PPA2: variants seen among roughly 807,000 people sequenced by gnomAD.
PPA2 encodes inorganic pyrophosphatase 2, also known as inorganic pyrophosphatase 2, mitochondrial.
A neutral mutation model predicts 49.5 loss-of-function variants in PPA2; 48 were observed. The ratio of observed to expected loss-of-function variants is 0.97; its 90% CI spans 0.77 to 1.23. The LOEUF (loss-of-function observed/expected upper bound fraction) is 1.23. PPA2 is among the 50% of genes most tolerant of loss of function. The pLI is 0.00. For synonymous variants in PPA2, 131 were observed against 139.9 expected, an observed-to-expected ratio of 0.94 and a Z score of 0.45; for missense variants, 429 against 410.1, an observed-to-expected ratio of 1.05 and a Z score of -0.40.
Position 105,390,886 on chromosome 4 carries a change from G to A in PPA2, c.870-4250C>T, listed in dbSNP as rs147640945. Among the ~76,000 whole-genome samples the A allele has an allele frequency of 7.2e-3, 1,103 of 152,222 alleles. 14 individuals carry two copies. The highest frequency in any genetic ancestry group is 0.025 in the African/African-American group (1,022 of 41,530). ...TTCTACTATTAAGACTCATGCACAC[G>A]TATGTTTATTGCAGCACTATTCACA... On this transcript the variant is annotated intron_variant, in intron 9 of 11. Coordinates refer to ENST00000341695, the MANE Select transcript of PPA2 (RefSeq NM_176869.3).
Position 105,449,089 on chromosome 4 carries a change from C to T in PPA2, c.321+261G>A, listed in dbSNP as rs1578872879. Among the ~76,000 whole-genome samples, 6 of 138,208 alleles carry T rather than the reference C, an allele frequency of 4.3e-5. No individual in the cohort carries two copies. The South Asian group carries it at 1.3e-3, about 30-fold the overall frequency. 90.7% of individuals were successfully genotyped at this position (138,208 alleles called of 152,430 possible). A position where few individuals can be genotyped will look rare whatever the true frequency, so the allele number is the denominator to read the frequency against. The stretch of plus-strand genomic sequence containing the variant: ...AAAAATAGCCGGGCGTAGTGGCGGG[C>T]GCCTGTAGTCCTAGCTACTTGGGAG... On this transcript the variant is annotated intron_variant, in intron 4 of 11. Transcript: ENST00000341695.
intron 4 of PPA2, among the ~76,000 whole-genome samples, chr4:105,446,726 A>G (rs1291739037): frequency 6.6e-6 from 1 of 152,140 alleles, no homozygotes; most frequent in Non-Finnish European, 1.5e-5. Context: ...ATATTTAGTC[A>G]CTCTATTATT....
chr4:105,426,055 T>G (rs1723491734), intron 6 of PPA2, among the ~76,000 whole-genome samples: 1 of 152,144 alleles, frequency 6.6e-6, no homozygotes, highest in African/African-American at 2.4e-5. Context: ...ATGATGGAAA[T>G]GCTTCATATT....
intron 5 of PPA2, among the ~76,000 whole-genome samples, 187 bp from the exon 6 acceptor site, chr4:105,438,223 T>C (rs1724159023): frequency 1.3e-5 from 2 of 152,244 alleles, no homozygotes; most frequent in South Asian, 4.1e-4. Flanking sequence ...AACAGATTTA[T>C]AGTATTTCCT....
At chr4:105,415,080 T>C (rs941691487) in intron 7 of PPA2, among the ~76,000 whole-genome samples, 10 of 152,160 alleles carry the variant, frequency 6.6e-5, no homozygotes, top group Admixed American at 2.0e-4. Context: ...AGGAAGTGTG[T>C]GCTGATTGGC....
intron 7 of PPA2, among the ~76,000 whole-genome samples, chr4:105,403,903 CTT>C (rs542664794): frequency 1.5e-4 from 21 of 144,164 alleles, no homozygotes; most frequent in Non-Finnish European, 1.2e-4. Context: ...TCTTTCTACT[CTT>C]TTTTTTTTTT....
In PPA2 at chr4:105,474,003, C is replaced by G. The variant is rs770985368; in HGVS notation, c.48G>C (p.Ala16=). The G allele has an allele frequency of 6.2e-7, 1 of 1,605,842 alleles. No homozygotes were observed. The highest frequency in any genetic ancestry group is 8.5e-7 in the Non-Finnish European group (1 of 1,176,630). Residue 16 remains alanine (A), a synonymous_variant, in exon 1 of 12, where the codon GCG becomes GCC. Coordinates refer to ENST00000341695, the MANE Select transcript of PPA2 (RefSeq NM_176869.3). ...RLLRTGAPAA[A]CLRLGTSAGT... is the part of the protein sequence containing the mutation. ...CTGCACTGGTCCCCAACCGCAGGCA[C>G]GCAGCGGCTGGGGCACCCGTGCGCA... is the stretch of plus-strand genomic sequence containing the variant.
chr4:105,450,093 T>C (rs867663875), intron 3 of PPA2, among the ~76,000 whole-genome samples: 22 of 152,094 alleles, frequency 1.4e-4, no homozygotes, highest in Non-Finnish European at 2.1e-4. Flanking sequence ...AAGGAGACCC[T>C]AGGTCAATGA....
At chr4:105,466,244 GT>G (rs1578890970) in intron 1 of PPA2, among the ~76,000 whole-genome samples, 1 of 151,848 alleles carries the variant, frequency 6.6e-6, no homozygotes, top group East Asian at 1.9e-4. Context: ...CAAGTTTCTT[GT>G]TTTTCCCATT....
chr4:105,425,441 T>C (rs1255978618), intron 6 of PPA2, among the ~76,000 whole-genome samples: 2 of 152,096 alleles, frequency 1.3e-5, no homozygotes, highest in Non-Finnish European at 2.9e-5. Flanking sequence ...ATTCTCTCAA[T>C]GAGCTTAACA....
chr4:105,464,531 T>G (rs542478497), intron 1 of PPA2, among the ~76,000 whole-genome samples: 1 of 152,006 alleles, frequency 6.6e-6, no homozygotes, highest in Non-Finnish European at 1.5e-5. Flanking sequence ...GACATGAGAT[T>G]TGAGAGGGGC....
chr4:105,463,865 T>C (rs1383218270), intron 1 of PPA2, among the ~76,000 whole-genome samples: 2 of 152,186 alleles, frequency 1.3e-5, no homozygotes, highest in African/African-American at 2.4e-5. Context: ...TTCAGGTGTA[T>C]GAAAACACCT....
chr4:105,451,703 A>G (rs17035607), intron 3 of PPA2, among the ~76,000 whole-genome samples: 13,879 of 152,234 alleles, frequency 0.091, 1,295 homozygotes, highest in African/African-American at 0.24. Flanking sequence ...TTTACACAAT[A>G]ACACCTACCA....
chr4:105,384,709 T>C (rs1409339154), intron 10 of PPA2, among the ~76,000 whole-genome samples: 1 of 152,190 alleles, frequency 6.6e-6, no homozygotes, highest in Non-Finnish European at 1.5e-5. Context: ...GTGGCCTGCA[T>C]TATTGTGACA....
At position 105,473,979 on chromosome 4, in the gene PPA2, T is replaced by C. The variant is rs1159120379; in HGVS notation, c.72A>G (p.Ala24=). The change falls in exon 1 of 12, where the codon GCA becomes GCG. Residue 24 remains alanine, a synonymous_variant. Transcript: ENST00000341695. ...CCATAGCACGGCGCGACCCGGTCCC[T>C]GCACTGGTCCCCAACCGCAGGCACG... ...AAACLRLGTS[A]GTGSRRAMAL... 10 of 1,610,392 alleles carry C rather than the reference T, an allele frequency of 6.2e-6. No homozygotes were observed. In the East Asian group the frequency reaches 2.2e-4, roughly 36 times the overall value.
intron 6 of PPA2, among the ~76,000 whole-genome samples, chr4:105,428,905 C>T (rs1723663265): frequency 6.6e-6 from 1 of 152,002 alleles, no homozygotes; most frequent in Non-Finnish European, 1.5e-5. Context: ...ATGAAAACAG[C>T]CTTTAGGGGT....
intron 1 of PPA2, among the ~76,000 whole-genome samples, chr4:105,465,434 C>A (rs1040671273): frequency 2.0e-5 from 3 of 152,180 alleles, no homozygotes; most frequent in Non-Finnish European, 4.4e-5. Context: ...GAACTGGATG[C>A]TTTCCGGGCA....
chr4:105,377,623 G>A (rs1733310893), intron 10 of PPA2, among the ~76,000 whole-genome samples: 1 of 152,026 alleles, frequency 6.6e-6, no homozygotes, highest in Non-Finnish European at 1.5e-5. Flanking sequence ...ATACACTCAT[G>A]AAGCCATCAA....
chr4:105,432,749 T>A (rs1560628754), intron 6 of PPA2, among the ~76,000 whole-genome samples: 1 of 152,172 alleles, frequency 6.6e-6, no homozygotes, highest in African/African-American at 2.4e-5. Context: ...CAGTTATTGT[T>A]AGTGTTAGTG....
Sources: gnomAD v4.1 joint callset for allele counts (sites outside exome capture counted in the v4.1 genomes callset) on GRCh38, gnomAD v4.1.1 for gene constraint, MANE v1.5 for transcripts, NCBI Gene and HGNC (gene_info 2026-07-23, HGNC 2026-07-21) for gene names.